Variants in DGKI observed in about 807,000 individuals in gnomAD.
DGKI encodes the protein DAG kinase iota.
In DGKI, 55 loss-of-function variants were observed where a neutral mutation model predicts 147.5. The observed-to-expected ratio is 0.37, with a 90% CI of 0.30 to 0.47. DGKI has a LOEUF of 0.47. Ranked by LOEUF, DGKI falls within the 20% of genes least tolerant of loss-of-function variation. The pLI, the probability that DGKI is intolerant of heterozygous loss-of-function variation, is 1.00. For missense variants in DGKI, 1,007 were observed against 1,323.8 expected (o/e 0.76, Z 3.71); for synonymous variants, 469 against 477.1 (o/e 0.98, Z 0.22).
At position 137,464,698 on chromosome 7, in the gene DGKI, C is replaced by T. The variant is rs77569617; in HGVS notation, c.2613-1087G>A. Among the ~76,000 whole-genome samples, 1,247 of 152,250 alleles carry T rather than the reference C, an allele frequency of 8.2e-3. 13 individuals are homozygous for T. Among genetic ancestry groups the T allele is most frequent in the Non-Finnish European group, 0.013 (915 of 68,020 alleles). ...CTGCCCCTGGCAGAGTGGGAAACCA[C>T]CCACAAATAGCAGCAGTGAACCAAA... On this transcript the variant is annotated intron_variant, in intron 26 of 32. Transcript: ENST00000614521.
intron 1 of DGKI, among the ~76,000 whole-genome samples, chr7:137,800,440 C>A (rs923735712): frequency 1.3e-5 from 2 of 151,972 alleles, no homozygotes; most frequent in Non-Finnish European, 2.9e-5. Context: ...TGTGCTACCT[C>A]CCCCCAACTC....
intron 6 of DGKI, among the ~76,000 whole-genome samples, chr7:137,640,999 A>G (rs1232047365): frequency 6.6e-6 from 1 of 152,034 alleles, no homozygotes; most frequent in East Asian, 1.9e-4. Flanking sequence ...TTGAATTGTA[A>G]CTCCCACAAT....
At chr7:137,400,932 A>G (rs1400113991) in intron 30 of DGKI, among the ~76,000 whole-genome samples, 1 of 152,208 alleles carries the variant, frequency 6.6e-6, no homozygotes, top group Non-Finnish European at 1.5e-5. Flanking sequence ...ATGGGCAGCT[A>G]TTTTTAAAAG....
intron 2 of DGKI, among the ~76,000 whole-genome samples, chr7:137,680,790 G>C (rs1212461219): frequency 6.8e-6 from 1 of 148,110 alleles, no homozygotes; most frequent in Non-Finnish European, 1.5e-5. Context: ...CAAAAGAAAA[G>C]AGAAAAAAAA....
chr7:137,598,041 C>T (rs1402688552), intron 11 of DGKI, 134 bp from the exon 12 acceptor site: 10 of 711,194 alleles, frequency 1.4e-5, no homozygotes, highest in Non-Finnish European at 1.9e-5. Flanking sequence ...GATGACAATG[C>T]TATCATAGGT....
Position 137,547,534 on chromosome 7 carries a change from AG to A in DGKI, c.2147+4834del, listed in dbSNP as rs369305153. Among the ~76,000 whole-genome samples the A allele has an allele frequency of 3.0e-4, 45 of 152,340 alleles. No homozygotes were observed. In the East Asian group the frequency reaches 6.4e-3, roughly 22 times the overall value. On this transcript the variant is annotated intron_variant, in intron 20 of 32. Coordinates refer to ENST00000614521, the MANE Select transcript of DGKI (RefSeq NM_001321708.2). The stretch of plus-strand genomic sequence containing the variant: ...ATGTGACCAAAACACATTTGATATT[AG>A]TTTTATATTCACAAAATTTTAGATT...
chr7:137,483,629 T>C (rs879524353), intron 23 of DGKI, among the ~76,000 whole-genome samples: 4 of 152,006 alleles, frequency 2.6e-5, no homozygotes, highest in Admixed American at 1.3e-4. Context: ...CTAGTGTGTG[T>C]TGTTCCCCTC....
intron 1 of DGKI, among the ~76,000 whole-genome samples, chr7:137,741,462 CT>C (rs1209871612): frequency 6.6e-6 from 1 of 152,212 alleles, no homozygotes; most frequent in Non-Finnish European, 1.5e-5. Flanking sequence ...TTCCTTCTGG[CT>C]TATCCCAACT....
intron 8 of DGKI, among the ~76,000 whole-genome samples, chr7:137,616,951 T>C (rs1481569994): frequency 6.6e-6 from 1 of 151,718 alleles, no homozygotes; most frequent in African/African-American, 2.4e-5. Context: ...TAATAGACTT[T>C]GGCAAAACTC....
At chr7:137,791,457 C>T (rs1162320262) in intron 1 of DGKI, among the ~76,000 whole-genome samples, 1 of 152,146 alleles carries the variant, frequency 6.6e-6, no homozygotes, top group Non-Finnish European at 1.5e-5. Context: ...TGTTTCATTA[C>T]AAAAGGCAAG....
intron 2 of DGKI, among the ~76,000 whole-genome samples, chr7:137,685,149 G>A (rs868841546): frequency 1.3e-5 from 2 of 152,074 alleles, no homozygotes; most frequent in East Asian, 1.9e-4. Context: ...TCTTAGCATC[G>A]TCAACTAAAG....
chr7:137,777,714 A>C (rs1017361826), intron 1 of DGKI, among the ~76,000 whole-genome samples: 1 of 152,154 alleles, frequency 6.6e-6, no homozygotes, highest in African/African-American at 2.4e-5. Context: ...TCTTCTATTT[A>C]TATACATAGA....
intron 1 of DGKI, among the ~76,000 whole-genome samples, chr7:137,824,542 A>G (rs1798000884): frequency 1.6e-5 from 2 of 128,720 alleles, no homozygotes; most frequent in Non-Finnish European, 1.7e-5. Flanking sequence ...AAAAGAAAAG[A>G]AAATGGAATT....
At chr7:137,465,471 G>A (rs955383942) in intron 26 of DGKI, among the ~76,000 whole-genome samples, 3 of 152,182 alleles carry the variant, frequency 2.0e-5, no homozygotes, top group Non-Finnish European at 4.4e-5. Flanking sequence ...ACAGAAGAGA[G>A]ACACAGGACA....
chr7:137,464,719 C>A (rs964887526), intron 26 of DGKI, among the ~76,000 whole-genome samples: 1 of 151,872 alleles, frequency 6.6e-6, no homozygotes, highest in Non-Finnish European at 1.5e-5. Flanking sequence ...CAGCAGTGAA[C>A]CAAAAAAAGT....
chr7:137,729,247 T>A (rs1219063864), intron 1 of DGKI, among the ~76,000 whole-genome samples: 1 of 152,150 alleles, frequency 6.6e-6, no homozygotes, highest in Non-Finnish European at 1.5e-5. Flanking sequence ...GATAAAGCAG[T>A]GCTCTTTATA....
intron 20 of DGKI, among the ~76,000 whole-genome samples, chr7:137,548,637 A>G (rs1403747668): frequency 1.3e-5 from 2 of 152,220 alleles, no homozygotes; most frequent in African/African-American, 4.8e-5. Flanking sequence ...TACAGGCTAC[A>G]GAACTGTGAG....
intron 10 of DGKI, among the ~76,000 whole-genome samples, chr7:137,600,393 C>T (rs1819948595): frequency 6.6e-6 from 1 of 152,110 alleles, no homozygotes; most frequent in Non-Finnish European, 1.5e-5. Flanking sequence ...TTTATCTAAC[C>T]TGTGTAACTC....
intron 20 of DGKI, among the ~76,000 whole-genome samples, chr7:137,546,781 G>T: frequency 6.6e-6 from 1 of 152,194 alleles, no homozygotes; most frequent in East Asian, 1.9e-4. Flanking sequence ...TAGTTCCACG[G>T]ATCTCTCTGT....
Sources: gnomAD v4.1 joint callset for allele counts (sites outside exome capture counted in the v4.1 genomes callset) on GRCh38, gnomAD v4.1.1 for gene constraint, MANE v1.5 for transcripts, NCBI Gene and HGNC (gene_info 2026-07-23, HGNC 2026-07-21) for gene names.